Variants in WASHC2C observed in about 807,000 individuals in gnomAD.
The protein encoded by WASHC2C is WASH complex subunit 2C, also known as Vaccinia Penetration Factor.
WASHC2C carries 73 observed loss-of-function variants against 142.2 expected under a neutral mutation model. The ratio of observed to expected loss-of-function variants is 0.51; its 90% CI spans 0.43 to 0.62. The LOEUF is 0.62. Among genes scored for constraint, WASHC2C ranks in the 20% least tolerant of loss-of-function variants. The probability of loss-of-function intolerance (pLI) is 0.00; values close to 1 mark genes in which losing one functional copy is unlikely to be tolerated. For synonymous variants in WASHC2C, 337 were observed against 565.5 expected, an observed-to-expected ratio of 0.60 and a Z score of 5.73; for missense variants, 969 against 1,531.7, an observed-to-expected ratio of 0.63 and a Z score of 6.13.
intron 7 of WASHC2C, among the ~76,000 whole-genome samples, chr10:45,745,568 T>C (rs2134412079): frequency 6.6e-6 from 1 of 151,482 alleles, no homozygotes; most frequent in East Asian, 2.0e-4. Flanking sequence ...CCTGCCCGCC[T>C]TTCTTCCAGT....
intron 2 of WASHC2C, among the ~76,000 whole-genome samples, chr10:45,727,959 T>C (rs1205026259): frequency 6.6e-6 from 1 of 152,208 alleles, no homozygotes; most frequent in Non-Finnish European, 1.5e-5. Flanking sequence ...CCCAAATGAA[T>C]AGGATTTTTG....
chr10:45,783,042 C>T (rs2057644217), intron 23 of WASHC2C, among the ~76,000 whole-genome samples: 1 of 151,366 alleles, frequency 6.6e-6, no homozygotes, highest in African/African-American at 2.4e-5. Context: ...CTGAATATAC[C>T]AAAAAATCAT....
chr10:45,754,601 T>G, intron 14 of WASHC2C, 56 bp downstream of exon 14: 1 of 1,441,212 alleles, frequency 6.9e-7, no homozygotes. Flanking sequence ...TTTTTGCATT[T>G]CAAAATTATC....
chr10:45,753,802 T>G (rs2053893973), intron 13 of WASHC2C, among the ~76,000 whole-genome samples: 1 of 150,644 alleles, frequency 6.6e-6, no homozygotes, highest in African/African-American at 2.5e-5. Flanking sequence ...GGTGCAGTTT[T>G]TAAAAAACAC....
chr10:45,741,085 T>C (rs2051978283), intron 5 of WASHC2C, among the ~76,000 whole-genome samples: 1 of 151,660 alleles, frequency 6.6e-6, no homozygotes, highest in African/African-American at 2.4e-5. Flanking sequence ...GTAGCTGGGA[T>C]TACAGGCGCC....
At chr10:45,749,289 G>A (rs1473584551) in intron 8 of WASHC2C, among the ~76,000 whole-genome samples, 1 of 150,356 alleles carries the variant, frequency 6.7e-6, no homozygotes, top group African/African-American at 2.5e-5. Context: ...ATAAAAATTA[G>A]CCGGGCGTGG....
At chr10:45,762,322 C>T (rs1356954906) in intron 17 of WASHC2C, among the ~76,000 whole-genome samples, 4 of 152,162 alleles carry the variant, frequency 2.6e-5, no homozygotes, top group African/African-American at 7.2e-5. Flanking sequence ...AAGCAATTCT[C>T]CTGCCACAGC....
intron 8 of WASHC2C, among the ~76,000 whole-genome samples, chr10:45,749,851 A>ATT (rs1554873288): frequency 4.6e-5 from 5 of 108,134 alleles, no homozygotes; most frequent in African/African-American, 1.2e-4. Context: ...ATATATATAT[A>ATT]TATATTTATA....
chr10:45,791,048 A>C (rs1408464389), intron 30 of WASHC2C, among the ~76,000 whole-genome samples: 1 of 152,024 alleles, frequency 6.6e-6, no homozygotes, highest in Non-Finnish European at 1.5e-5. Flanking sequence ...TGTCTTCCTT[A>C]TATGGCACAA....
At chr10:45,742,899 G>A (rs1303473387) in intron 5 of WASHC2C, among the ~76,000 whole-genome samples, 112 of 146,778 alleles carry the variant, frequency 7.6e-4, no homozygotes, top group African/African-American at 2.6e-3. Flanking sequence ...TTTTGAGATG[G>A]AGTTTTGCTC....
At chr10:45,736,469 G>A (rs1554864815) in intron 3 of WASHC2C, among the ~76,000 whole-genome samples, 1 of 147,834 alleles carries the variant, frequency 6.8e-6, no homozygotes, top group East Asian at 2.0e-4. Context: ...GTGTGGTGGT[G>A]CACGCCTGTA....
chr10:45,787,502 T>TCTGACACCTGCAGGTTTCCAGCA (rs2058129078), intron 28 of WASHC2C, among the ~76,000 whole-genome samples: 1 of 149,442 alleles, frequency 6.7e-6, no homozygotes, highest in South Asian at 2.2e-4. Flanking sequence ...TTGGCTGGTG[T>TCTGACACCTGCAGGTTTCCAGCA]CTGACACCTG....
At chr10:45,786,994 G>T (rs782462895) in intron 27 of WASHC2C, 41 bp from the exon 28 acceptor site, 1 of 1,605,206 alleles carries the variant, frequency 6.2e-7, no homozygotes, top group Non-Finnish European at 8.5e-7. Flanking sequence ...ATAGACTGCT[G>T]TGTTGAAGAA....
chr10:45,752,367 C>T (rs1283421204), intron 11 of WASHC2C, among the ~76,000 whole-genome samples: 2 of 152,304 alleles, frequency 1.3e-5, no homozygotes, highest in Admixed American at 1.3e-4. Context: ...GTGCCACAGA[C>T]GTGGACAGAC....
chr10:45,788,325 T>G (rs1554891161), intron 28 of WASHC2C, among the ~76,000 whole-genome samples: 2 of 152,250 alleles, frequency 1.3e-5, no homozygotes, highest in Non-Finnish European at 2.9e-5. Flanking sequence ...ATTTCTTATG[T>G]GGAATATTTA....
intron 3 of WASHC2C, among the ~76,000 whole-genome samples, chr10:45,736,084 A>G (rs1367516550): frequency 6.7e-6 from 1 of 149,082 alleles, no homozygotes; most frequent in African/African-American, 2.5e-5. Context: ...AGTCTGGCCA[A>G]CGTGGTGAAA....
chr10:45,761,104 C>T (rs1554879776), intron 17 of WASHC2C, among the ~76,000 whole-genome samples: 2 of 151,824 alleles, frequency 1.3e-5, no homozygotes, highest in African/African-American at 4.9e-5. Context: ...GTTGACTGGG[C>T]TTAGCTAGGC....
chr10:45,736,534 C>T (rs189060788), intron 3 of WASHC2C, among the ~76,000 whole-genome samples: 17 of 149,002 alleles, frequency 1.1e-4, no homozygotes, highest in East Asian at 4.0e-4. Flanking sequence ...TGGGAGGTGG[C>T]GGTTGCAGTG....
chr10:45,752,502 G>A, intron 11 of WASHC2C, 86 bp from the exon 12 acceptor site: 1 of 1,040,416 alleles, frequency 9.6e-7, no homozygotes, highest in Admixed American at 1.7e-5. Flanking sequence ...ATGCCAGTTT[G>A]GAGACACAGC....
Sources: gnomAD v4.1 joint callset for allele counts (sites outside exome capture counted in the v4.1 genomes callset) on GRCh38, gnomAD v4.1.1 for gene constraint, MANE v1.5 for transcripts, NCBI Gene and HGNC (gene_info 2026-07-23, HGNC 2026-07-21) for gene names.